INTS3: variants seen among roughly 807,000 people sequenced by gnomAD.
INTS3 encodes the protein SOSS complex subunit A.
INTS3 carries 34 observed loss-of-function variants against 146.3 expected under a neutral mutation model. The ratio of observed to expected loss-of-function variants is 0.23; its 90% confidence interval spans 0.18 to 0.31. INTS3 has a LOEUF of 0.31. Ranked by LOEUF, INTS3 falls within the 10% of genes least tolerant of loss-of-function variation. The pLI is 1.00. For missense variants in INTS3, 757 were observed against 1,304.2 expected, an observed-to-expected ratio of 0.58 and a Z score of 6.46; for synonymous variants, 475 against 494.9, an observed-to-expected ratio of 0.96 and a Z score of 0.53.
chr1:153,742,478 CTGTGTGTGTGTG>C (rs35008806), intron 3 of INTS3, among the ~76,000 whole-genome samples: 2 of 147,436 alleles, frequency 1.4e-5, no homozygotes, highest in Admixed American at 6.8e-5. Flanking sequence ...TTTTTAATCT[CTGTGTGTGTGTG>C]TGTGTGTGTG....
Position 153,752,418 on chromosome 1 carries a change from G to A in INTS3, c.859+10G>A, listed in dbSNP as rs1234784480. The A allele has an allele frequency of 1.2e-6, 2 of 1,600,610 alleles. No homozygotes were observed. Among genetic ancestry groups the A allele is most frequent in the Admixed American group, 1.8e-5 (1 of 56,664 alleles). ...AGTCCTCAGTTCACAGGTAAGTAGG[G>A]TCTTAGGCATCCTGTCCTTGAGAGC... is the stretch of plus-strand genomic sequence containing the variant. On this transcript the variant is annotated intron_variant, in intron 8 of 29. Transcript: ENST00000318967.
intron 9 of INTS3, among the ~76,000 whole-genome samples, chr1:153,755,341 G>A (rs1357125917): frequency 1.3e-5 from 2 of 152,074 alleles, no homozygotes; most frequent in African/African-American, 4.8e-5. Flanking sequence ...TCGGCTCTCC[G>A]CAGCCTCCGC....
chr1:153,770,238 C>A lies in INTS3; in HGVS notation c.2430C>A (p.Ala810=). 1 of 1,613,378 alleles carries A rather than the reference C, an allele frequency of 6.2e-7. No homozygotes were observed. The highest frequency in any genetic ancestry group is 8.5e-7 in the Non-Finnish European group (1 of 1,179,614). The change falls in exon 24 of 30, where the codon GCC becomes GCA. Residue 810 remains alanine, a synonymous_variant. Coordinates refer to ENST00000318967, the MANE Select transcript of INTS3 (RefSeq NM_023015.5). ...LDWETFEQYC[A]WQLFLAHNIP... ...GGGAGACCTTTGAGCAGTATTGTGC[C>A]TGGCAGCTCTTTCTGGCCCACAATA...
rs538827286 is a variant in INTS3, at chr1:153,762,874, A to G, written c.1636+27A>G. 6.8e-6 allele frequency: 11 copies of G among 1,612,892 alleles called. No individual in the cohort carries two copies. In the South Asian group the frequency reaches 1.1e-4, roughly 16 times the overall value. On this transcript the variant is annotated intron_variant, in intron 15 of 29. Coordinates refer to ENST00000318967, the MANE Select transcript of INTS3 (RefSeq NM_023015.5). ...TGAGGCCATCAGCAAGGGCTAGTTC[A>G]GGGTTGTGTCAGCCCTGAGAGGACC... is the stretch of plus-strand genomic sequence containing the variant.
At chr1:153,745,474 GATT>G (rs1475033072) in intron 3 of INTS3, among the ~76,000 whole-genome samples, 1 of 151,102 alleles carries the variant, frequency 6.6e-6, no homozygotes, top group Admixed American at 6.6e-5. Flanking sequence ...TATACTATAT[GATT>G]ATTATTTTTG....
Position 153,770,232 on chromosome 1 carries a change from T to C in INTS3, c.2424T>C (p.Tyr808=), listed in dbSNP as rs763956936. ...TAGACTGGGAGACCTTTGAGCAGTA[T>C]TGTGCCTGGCAGCTCTTTCTGGCCC... is the stretch of plus-strand genomic sequence containing the variant. ...QSLDWETFEQ[Y]CAWQLFLAHN... The change falls in exon 24 of 30, where the codon TAT becomes TAC. Residue 808 remains tyrosine, a synonymous_variant. Coordinates refer to ENST00000318967, the MANE Select transcript of INTS3 (RefSeq NM_023015.5). 15 of 1,613,126 alleles carry C rather than the reference T, an allele frequency of 9.3e-6. No homozygotes were observed. Among genetic ancestry groups the C allele is most frequent in the Non-Finnish European group, 1.2e-5 (14 of 1,179,424 alleles).
intron 3 of INTS3, among the ~76,000 whole-genome samples, chr1:153,745,402 A>G (rs6687602): frequency 0.15 from 23,340 of 151,538 alleles, 3,337 homozygotes; most frequent in African/African-American, 0.38. Flanking sequence ...GATGATCCAC[A>G]CGCCTCGGCC....
In INTS3 at chr1:153,728,592, A is replaced by G. The variant is rs1670945384; in HGVS notation, c.-43A>G. 1.3e-6 allele frequency: 2 copies of G among 1,568,668 alleles called. No homozygotes were observed. The highest frequency in any genetic ancestry group is 1.7e-6 in the Non-Finnish European group (2 of 1,162,264). On this transcript the variant is annotated 5_prime_UTR_variant, in exon 1 of 30. Transcript: ENST00000318967. ...GAGATCCCGATATCTAGGACTGTCC[A>G]TCCATCCACTCCCTGACCTTTTCCC...
rs1218755932 is a variant in INTS3, at chr1:153,767,845, T to C, written c.2244+18T>C. On this transcript the variant is annotated intron_variant, in intron 21 of 29. Transcript: ENST00000318967. ...ACACAGAGGTCAGTGCCTGCATCCGTATCTGTGCCGGGGGGCTCACAGGAA... is the reference window on the plus strand; with the variant it reads ...ACACAGAGGTCAGTGCCTGCATCCGCATCTGTGCCGGGGGGCTCACAGGAA... 16 of 1,590,858 alleles carry C rather than the reference T, an allele frequency of 1.0e-5. No individual in the cohort carries two copies. Among genetic ancestry groups the C allele is most frequent in the African/African-American group, 4.0e-5 (3 of 74,452 alleles).
chr1:153,772,020 C>A lies in INTS3; in HGVS notation c.2720+57C>A. The A allele has an allele frequency of 1.7e-6, 2 of 1,182,418 alleles. No homozygotes were observed. Among genetic ancestry groups the A allele is most frequent in the Non-Finnish European group, 2.4e-6 (2 of 833,542 alleles). 73.2% of individuals were successfully genotyped at this position (1,182,418 alleles called of 1,614,324 possible). ...CATGGCGGTCTGCAGTGATTGCTGTCGGTGGTGGTGGTGGTGGTGGTGGTG... is the reference window on the plus strand; with the variant it reads ...CATGGCGGTCTGCAGTGATTGCTGTAGGTGGTGGTGGTGGTGGTGGTGGTG... On this transcript the variant is annotated intron_variant, in intron 26 of 29. Transcript: ENST00000318967. The surrounding 1 kb of genome is among the most constrained non-coding windows in gnomAD (Gnocchi z 4.6).
chr1:153,746,421 G>A lies in INTS3; in HGVS notation c.319-536G>A, dbSNP rs139739599. ...TCCCCTGCCCCCGAGACAGAGTTTC[G>A]CTCCGTCGCCCAGGCTAGACCCAGG... On this transcript the variant is annotated intron_variant, in intron 3 of 29. Coordinates refer to ENST00000318967, the MANE Select transcript of INTS3 (RefSeq NM_023015.5). Among the ~76,000 whole-genome samples, 1,192 of 149,622 alleles carry A rather than the reference G, an allele frequency of 8.0e-3. 6 individuals carry two copies. The highest frequency in any genetic ancestry group is 0.011 in the Non-Finnish European group (753 of 67,402).
chr1:153,769,836 A>G lies in INTS3; in HGVS notation c.2381A>G (p.Asn794Ser). The change falls in exon 23 of 30, where the codon AAC (asparagine) becomes AGC (serine). Residue 794 changes from asparagine (N) to serine (S), a missense_variant. Coordinates refer to ENST00000318967, the MANE Select transcript of INTS3 (RefSeq NM_023015.5). ...LVMFRKDSVL[N>S]ILIQSLDWET... ...ATGTTTCGAAAAGACTCAGTTCTCA[A>G]CATACTCAGTAAGTGATCAAATCTT... The G allele has an allele frequency of 1.2e-6, 2 of 1,608,400 alleles. No homozygotes were observed. The highest frequency in any genetic ancestry group is 2.2e-5 in the South Asian group (2 of 90,958).
Position 153,774,463 on chromosome 1 carries a change from C to G in INTS3, c.*1193C>G, listed in dbSNP as rs1006594328. 6.6e-6 allele frequency: 1 copy of G among 152,186 alleles called. No individual in the cohort carries two copies. Among genetic ancestry groups the G allele is most frequent in the African/African-American group, 2.4e-5 (1 of 41,430 alleles). 9.4% of individuals were successfully genotyped at this position (152,186 alleles called of 1,614,324 possible). A position where few individuals can be genotyped will look rare whatever the true frequency, so the allele number is the denominator to read the frequency against. On this transcript the variant is annotated 3_prime_UTR_variant, in exon 30 of 30. Coordinates refer to ENST00000318967, the MANE Select transcript of INTS3 (RefSeq NM_023015.5). ...AGCTTGGTCTCCAGGGACAACTGTACCTGGAGATAAAGTCTGGATACCAGG... is the reference window on the plus strand; with the variant it reads ...AGCTTGGTCTCCAGGGACAACTGTAGCTGGAGATAAAGTCTGGATACCAGG...
At position 153,752,390 on chromosome 1, in the gene INTS3, T is replaced by G; in HGVS notation, c.841T>G (p.Leu281Val). ...AGATATTATCCATAATCCTCAGGCC[T>G]TGAGTCCTCAGTTCACAGGTAAGTA... Reference protein sequence around the residue: ...WKDIIHNPQALSPQFTGILQL... With the variant: ...WKDIIHNPQAVSPQFTGILQL... The change falls in exon 8 of 30, where the codon TTG becomes GTG. Residue 281 changes from leucine to valine, a missense_variant. Physicochemically the swap from Leu to Val is conservative, Grantham distance 32. Transcript: ENST00000318967. 1 of 1,612,192 alleles carries G rather than the reference T, an allele frequency of 6.2e-7. No individual in the cohort carries two copies. Among genetic ancestry groups the G allele is most frequent in the Non-Finnish European group, 8.5e-7 (1 of 1,179,310 alleles).
At chr1:153,746,618 G>A (rs777108529) in intron 3 of INTS3, among the ~76,000 whole-genome samples, 10 of 152,130 alleles carry the variant, frequency 6.6e-5, no homozygotes, top group Non-Finnish European at 1.5e-4. Context: ...AGCCAGGATG[G>A]TCTCGATCTC....
At chr1:153,732,823 A>G (rs1671129254) in intron 1 of INTS3, among the ~76,000 whole-genome samples, 1 of 130,120 alleles carries the variant, frequency 7.7e-6, no homozygotes, top group African/African-American at 2.8e-5. Flanking sequence ...TTTTTTTTTG[A>G]GATGGAGTCT....
Position 153,730,362 on chromosome 1 carries a change from T to C in INTS3, c.150+1578T>C, listed in dbSNP as rs112361351. Reference sequence around the variant, plus strand: ...AGGACTGCCTGGCAATTGGAATTATTTACTTTTTAAGAAATGGCCACTGTC... The same window carrying C: ...AGGACTGCCTGGCAATTGGAATTATCTACTTTTTAAGAAATGGCCACTGTC... On this transcript the variant is annotated intron_variant, in intron 1 of 29. Transcript: ENST00000318967. Among the ~76,000 whole-genome samples, 609 of 152,328 alleles carry C rather than the reference T, an allele frequency of 4.0e-3. 8 individuals carry two copies. Among genetic ancestry groups the C allele is most frequent in the African/African-American group, 0.014 (587 of 41,568 alleles).
chr1:153,767,681 G>A lies in INTS3; in HGVS notation c.2098G>A (p.Ala700Thr), dbSNP rs146164810. The A allele has an allele frequency of 1.3e-6, 2 of 1,586,334 alleles. No homozygotes were observed. The highest frequency in any genetic ancestry group is 1.7e-6 in the Non-Finnish European group (2 of 1,161,268). The stretch of plus-strand genomic sequence containing the variant: ...GCCCAGCTGGTCTTGCAGCAAAGCC[G>A]CCGCAGGGAAGATGAACCTGTACGA... ...LLYYLRASKAAAGKMNLYESF... is the reference protein window; with the variant it reads ...LLYYLRASKATAGKMNLYESF... The change falls in exon 21 of 30, where the codon GCC (alanine) becomes ACC (threonine). Residue 700 changes from alanine to threonine, a missense_variant. Ala to Thr is a moderately conservative substitution (Grantham distance 58). Around this residue, in one of 8 missense-constraint regions of INTS3, gnomAD observed 89 missense variants for 210.9 expected, o/e 0.42. Transcript: ENST00000318967.
chr1:153,766,193 C>T (rs1464963738), intron 20 of INTS3, among the ~76,000 whole-genome samples: 2 of 140,720 alleles, frequency 1.4e-5, no homozygotes, highest in Non-Finnish European at 3.0e-5. Context: ...GCGATCTTGG[C>T]TCACTGCAAC....
Sources: gnomAD v4.1 joint callset for allele counts (sites outside exome capture counted in the v4.1 genomes callset) on GRCh38, gnomAD v4.1.1 for gene constraint, gnomAD v4.1.1 regional missense constraint, Gnocchi (gnomAD v3.1) non-coding constraint, MANE v1.5 for transcripts, NCBI Gene and HGNC (gene_info 2026-07-23, HGNC 2026-07-21) for gene names.